The following MGAM2 variants were observed in gnomAD, a reference collection of about 807,000 sequenced individuals.
MGAM2 encodes the protein probable maltase-glucoamylase 2.
MGAM2 carries 98 observed loss-of-function variants against 96.1 expected under a neutral mutation model. That is an observed-to-expected ratio of 1.02 (90% CI 0.87 to 1.21). The LOEUF is 1.21. MGAM2 is among the 50% of genes most tolerant of loss of function. MGAM2 has a pLI of 0.00. For missense variants in MGAM2, 2,055 were observed against 1,182.4 expected, an observed-to-expected ratio of 1.74 and a Z score of -10.82; for synonymous variants, 749 against 414.8, an observed-to-expected ratio of 1.81 and a Z score of -9.79.
chr7:142,196,904 A>G, intron 40 of MGAM2, 88 bp downstream of exon 40: 1 of 635,122 alleles, frequency 1.6e-6, no homozygotes, highest in South Asian at 1.8e-5. Context: ...TCATTTCCTG[A>G]GAAAAATCAA....
In MGAM2 at chr7:142,219,855, C is replaced by T. The variant is rs992217144; in HGVS notation, c.5359-15C>T. 1.5e-6 allele frequency: 1 copy of T among 683,752 alleles called. No homozygotes were observed. The highest frequency in any genetic ancestry group is 2.7e-6 in the Non-Finnish European group (1 of 375,202). The allele number at this position is 683,752 out of a possible 1,614,324, so 42.4% of individuals were successfully genotyped here. On this transcript the variant is annotated splice_polypyrimidine_tract_variant and intron_variant, in intron 47 of 47. Transcript: ENST00000477922. ...AGTTCTAAAATACCCATTTATATCTCTTCTTTTCTGGCAGATACTAACTAT... is the reference window on the plus strand; with the variant it reads ...AGTTCTAAAATACCCATTTATATCTTTTCTTTTCTGGCAGATACTAACTAT...
rs1289523877 is a variant in MGAM2, at chr7:142,171,335, G to A, written c.3246G>A (p.Leu1082=). ...TGTTTCTCTCCATTTCTACGCGTCT[G>A]CCGTCCCAGTACATCTATGGCTTTG... ...NDMFLSISTR[L]PSQYIYGFGE... The change falls in exon 28 of 48, where the codon CTG becomes CTA. Residue 1082 remains leucine, a synonymous_variant. Transcript: ENST00000477922. 2.8e-6 allele frequency: 2 copies of A among 702,974 alleles called. No homozygotes were observed. Among genetic ancestry groups the A allele is most frequent in the Non-Finnish European group, 5.2e-6 (2 of 384,874 alleles). The allele number at this position is 702,974 out of a possible 1,614,324, so 43.5% of individuals were successfully genotyped here. A position where few individuals can be genotyped will look rare whatever the true frequency, so the allele number is the denominator to read the frequency against.
At chr7:142,178,933 C>A (rs1264955031) in intron 32 of MGAM2, among the ~76,000 whole-genome samples, 1 of 152,028 alleles carries the variant, frequency 6.6e-6, no homozygotes, top group African/African-American at 2.4e-5. Context: ...TGTGTCATCT[C>A]TGATTTCCTT....
chr7:142,140,084 C>T (rs549972107), intron 10 of MGAM2, among the ~76,000 whole-genome samples: 1 of 152,254 alleles, frequency 6.6e-6, no homozygotes, highest in East Asian at 1.9e-4. Context: ...ACTTGAGGAA[C>T]ACTTAGAAGA....
chr7:142,191,905 T>C (rs1796883532), intron 37 of MGAM2, among the ~76,000 whole-genome samples: 1 of 152,158 alleles, frequency 6.6e-6, no homozygotes, highest in African/African-American at 2.4e-5. Flanking sequence ...TTATTTTTAG[T>C]TTTTAATGTA....
rs963233882 is a variant in MGAM2, at chr7:142,220,386, G to A, written c.5875G>A (p.Asp1959Asn). The change falls in exon 48 of 48, where the codon GAT becomes AAT. Residue 1959 changes from aspartate to asparagine, a missense_variant. By Grantham distance (23) the Asp-to-Asn change is conservative. Coordinates refer to ENST00000477922, the MANE Select transcript of MGAM2 (RefSeq NM_001293626.2). ...TGTTACAACTAATGCTACTGTTCCC[G>A]ATACAACTGCCCCTTTCCCAACAAA... Reference protein sequence around the residue: ...IGVTTNATVPDTTAPFPTNTT... With the variant: ...IGVTTNATVPNTTAPFPTNTT... 42 of 700,830 alleles carry A rather than the reference G, an allele frequency of 6.0e-5. No individual in the cohort carries two copies. Among genetic ancestry groups the A allele is most frequent in the Non-Finnish European group, 1.0e-4 (39 of 384,448 alleles). 43.4% of individuals were successfully genotyped at this position (700,830 alleles called of 1,614,324 possible). A position where few individuals can be genotyped will look rare whatever the true frequency, so the allele number is the denominator to read the frequency against.
rs1326005535 is a variant in MGAM2 at position 142,218,456 on chromosome 7, T to C, written c.5283T>C (p.Tyr1761=). 1 of 702,414 alleles carries C rather than the reference T, an allele frequency of 1.4e-6. No individual in the cohort carries two copies. Among genetic ancestry groups the C allele is most frequent in the Non-Finnish European group, 2.6e-6 (1 of 384,834 alleles). 43.5% of individuals were successfully genotyped at this position (702,414 alleles called of 1,614,324 possible). The change falls in exon 47 of 48, where the codon TAT becomes TAC. Residue 1761 remains tyrosine, a synonymous_variant. Transcript: ENST00000477922. ...TTAGAATCTGGGGTGTGAATACCTA[T>C]GTGACACAAGTCAGTTTCACCTATG... is the stretch of plus-strand genomic sequence containing the variant. The part of the protein sequence containing the change: ...GYIRIWGVNT[Y]VTQVSFTYDN...
At chr7:142,202,437 A>G (rs1304676633) in intron 45 of MGAM2, among the ~76,000 whole-genome samples, 16 of 152,144 alleles carry the variant, frequency 1.1e-4, no homozygotes, top group Admixed American at 1.0e-3. Flanking sequence ...ATAGTAACTA[A>G]TGGGTAGTTT....
chr7:142,169,172 T>G (rs1796117747), intron 26 of MGAM2, among the ~76,000 whole-genome samples: 1 of 152,208 alleles, frequency 6.6e-6, no homozygotes, highest in Non-Finnish European at 1.5e-5. Context: ...GGCTCACACC[T>G]GTAATCCCAA....
At chr7:142,195,442 A>G (rs1417176401) in intron 37 of MGAM2, among the ~76,000 whole-genome samples, 1 of 132,206 alleles carries the variant, frequency 7.6e-6, no homozygotes, top group Non-Finnish European at 1.5e-5. Context: ...TGCAACCTCC[A>G]TCTCCTCAGG....
chr7:142,117,822 A>G (rs1039252399), intron 2 of MGAM2, among the ~76,000 whole-genome samples: 1 of 152,190 alleles, frequency 6.6e-6, no homozygotes, highest in Non-Finnish European at 1.5e-5. Context: ...ATTGCTATCC[A>G]GTGTATATGA....
intron 32 of MGAM2, among the ~76,000 whole-genome samples, chr7:142,182,049 T>C (rs1796560807): frequency 6.6e-6 from 1 of 152,036 alleles, no homozygotes; most frequent in Non-Finnish European, 1.5e-5. Context: ...CCCAGACCAG[T>C]CTGGCAGAGG....
chr7:142,210,664 T>C (rs942181397), intron 46 of MGAM2, among the ~76,000 whole-genome samples: 2 of 152,116 alleles, frequency 1.3e-5, no homozygotes, highest in Non-Finnish European at 2.9e-5. Flanking sequence ...GCAGGGCATC[T>C]CTGAAAAAAA....
At chr7:142,188,109 AACAC>A (rs60052742) in intron 36 of MGAM2, among the ~76,000 whole-genome samples, 64,614 of 143,406 alleles carry the variant, frequency 0.45, 14,491 homozygotes, top group Admixed American at 0.54. Context: ...TAAACCCTTA[AACAC>A]ACACACACAC....
At chr7:142,146,183 TG>T (rs1384770531) in intron 14 of MGAM2, among the ~76,000 whole-genome samples, 6 of 136,778 alleles carry the variant, frequency 4.4e-5, no homozygotes, top group Non-Finnish European at 9.2e-5. Context: ...ATCCTCTTTT[TG>T]GCCAAAACTA....
intron 26 of MGAM2, among the ~76,000 whole-genome samples, chr7:142,169,716 G>GCACA (rs144134032): frequency 1.3e-5 from 2 of 150,936 alleles, no homozygotes; most frequent in African/African-American, 2.4e-5. Flanking sequence ...TAACATGCAT[G>GCACA]CACACACACA....
chr7:142,135,395 C>G (rs1185280690), intron 7 of MGAM2, among the ~76,000 whole-genome samples: 1 of 152,070 alleles, frequency 6.6e-6, no homozygotes, highest in East Asian at 1.9e-4. Flanking sequence ...GATGTAATGC[C>G]TTCCTGTTTT....
intron 46 of MGAM2, among the ~76,000 whole-genome samples, chr7:142,211,809 G>C (rs191954585): frequency 9.5e-4 from 145 of 152,186 alleles, no homozygotes; most frequent in African/African-American, 3.1e-3. Context: ...TAGCAAGACA[G>C]GCCAACATTC....
chr7:142,167,938 G>T (rs563634285), intron 26 of MGAM2, among the ~76,000 whole-genome samples: 2 of 152,100 alleles, frequency 1.3e-5, no homozygotes, highest in Non-Finnish European at 2.9e-5. Flanking sequence ...GAGAGGTAAA[G>T]GTCGGAAAGT....
Sources: gnomAD v4.1 joint callset for allele counts (sites outside exome capture counted in the v4.1 genomes callset) on GRCh38, gnomAD v4.1.1 for gene constraint, MANE v1.5 for transcripts, NCBI Gene and HGNC (gene_info 2026-07-23, HGNC 2026-07-21) for gene names.